The following SGPP1 variants were observed in gnomAD, a reference collection of about 807,000 sequenced individuals.
The protein encoded by SGPP1 is hSPP1.
SGPP1 carries 21 observed loss-of-function variants against 33.0 expected under a neutral mutation model. That is an observed-to-expected ratio of 0.64 (90% confidence interval 0.45 to 0.92). SGPP1 has a LOEUF of 0.92. Among genes scored for constraint, SGPP1 ranks in the 40% least tolerant of loss-of-function variants. SGPP1 has a pLI of 0.00. For synonymous variants in SGPP1, 239 were observed against 241.2 expected, an observed-to-expected ratio of 0.99 and a Z score of 0.08; for missense variants, 543 against 589.4, an observed-to-expected ratio of 0.92 and a Z score of 0.81.
At chr14:63,708,089 C>T (rs982333388) in intron 1 of SGPP1, among the ~76,000 whole-genome samples, 2 of 152,062 alleles carry the variant, frequency 1.3e-5, no homozygotes, top group African/African-American at 4.8e-5. Context: ...ACTAGGGGGA[C>T]TATCTCTTCC....
At chr14:63,708,890 C>A (rs990861445) in intron 1 of SGPP1, among the ~76,000 whole-genome samples, 1 of 152,216 alleles carries the variant, frequency 6.6e-6, no homozygotes, top group Non-Finnish European at 1.5e-5. Flanking sequence ...CACAGGAAGT[C>A]TGATTCCTGA....
intron 1 of SGPP1, among the ~76,000 whole-genome samples, chr14:63,699,304 C>G (rs979131716): frequency 6.6e-6 from 1 of 151,998 alleles, no homozygotes; most frequent in Non-Finnish European, 1.5e-5. Flanking sequence ...ATCAATGGCA[C>G]TAGTGGAAAA....
intron 2 of SGPP1, among the ~76,000 whole-genome samples, chr14:63,691,964 AAAG>A (rs1309361415): frequency 6.6e-6 from 1 of 152,216 alleles, no homozygotes; most frequent in Admixed American, 6.5e-5. Flanking sequence ...AAAGAAAAAA[AAAG>A]AAGAAAGGAA....
At chr14:63,722,327 A>G (rs570372906) in intron 1 of SGPP1, among the ~76,000 whole-genome samples, 1 of 150,312 alleles carries the variant, frequency 6.7e-6, no homozygotes, top group East Asian at 2.0e-4. Context: ...GTTAGAGGCT[A>G]GCCTGACCAA....
intron 2 of SGPP1, among the ~76,000 whole-genome samples, chr14:63,694,168 G>C (rs888924576): frequency 6.6e-6 from 1 of 152,066 alleles, no homozygotes; most frequent in East Asian, 1.9e-4. Flanking sequence ...CAACTACTTG[G>C]GAGGCTGAAG....
At position 63,727,828 on chromosome 14, in the gene SGPP1, C is replaced by G. The variant is rs762638770; in HGVS notation, c.117G>C (p.Arg39=). ...VEAPPRRSAD[R]REDEKAEAPL... ...GCGCCTCCGCTTTCTCATCCTCCCT[C>G]CGGTCTGCTGAGCGGCGCGGCGGCG... is the stretch of plus-strand genomic sequence containing the variant. Residue 39 remains arginine, a synonymous_variant, in exon 1 of 3, where the codon CGG becomes CGC. Transcript: ENST00000247225. 2.6e-6 allele frequency: 4 copies of G among 1,510,072 alleles called. No homozygotes were observed. The African/African-American group carries it at 4.3e-5, about 16-fold the overall frequency. The allele number at this position is 1,510,072 out of a possible 1,614,324, so 93.5% of individuals were successfully genotyped here.
At chr14:63,698,391 T>C (rs1885230027) in intron 2 of SGPP1, among the ~76,000 whole-genome samples, 178 bp downstream of exon 2, 1 of 152,232 alleles carries the variant, frequency 6.6e-6, no homozygotes, top group Non-Finnish European at 1.5e-5. Flanking sequence ...ATGAAATATG[T>C]GACTACTACA....
intron 1 of SGPP1, among the ~76,000 whole-genome samples, chr14:63,721,814 A>G (rs938409620): frequency 6.6e-6 from 1 of 152,220 alleles, no homozygotes; most frequent in Non-Finnish European, 1.5e-5. Flanking sequence ...GTGACAAATC[A>G]GCATTTGATT....
chr14:63,701,776 G>C (rs539543607), intron 1 of SGPP1, among the ~76,000 whole-genome samples: 7 of 151,894 alleles, frequency 4.6e-5, no homozygotes, highest in Non-Finnish European at 1.0e-4. Context: ...AAGAGAGTAA[G>C]GCAAAAACAG....
Position 63,686,521 on chromosome 14 carries a change from T to A in SGPP1, c.910A>T (p.Ile304Phe), listed in dbSNP as rs1884980913. Reference sequence around the variant, plus strand: ...CAGGTGTCAAGAGTGAAAGAAAAGATCCCCAAAGCTAAATGAAGCCCGATG... The same window carrying A: ...CAGGTGTCAAGAGTGAAAGAAAAGAACCCCAAAGCTAAATGAAGCCCGATG... ...IIIGLHLALG[I>F]FSFTLDTWST... Residue 304 changes from isoleucine (I) to phenylalanine (F), a missense_variant, in exon 3 of 3, where the codon ATC (isoleucine) becomes TTC (phenylalanine). Coordinates refer to ENST00000247225, the MANE Select transcript of SGPP1 (RefSeq NM_030791.4). The A allele has an allele frequency of 6.2e-7, 1 of 1,613,892 alleles. No individual in the cohort carries two copies. Among genetic ancestry groups the A allele is most frequent in the Non-Finnish European group, 8.5e-7 (1 of 1,180,004 alleles).
chr14:63,686,650 T>C lies in SGPP1; in HGVS notation c.781A>G (p.Ile261Val). The stretch of plus-strand genomic sequence containing the variant: ...AAAATGGTATATAGGAATCCAGCAA[T>C]AATATCCTAGGAAAAGATAAAAGTA... ...YMGMHSILDI[I>V]AGFLYTILIL... The change falls in exon 3 of 3, where the codon ATT becomes GTT. Residue 261 changes from isoleucine to valine, a missense_variant. Physicochemically the swap from Ile to Val is conservative, Grantham distance 29 (BLOSUM62 3). Transcript: ENST00000247225. 6.3e-7 allele frequency: 1 copy of C among 1,596,532 alleles called. No homozygotes were observed. The highest frequency in any genetic ancestry group is 8.6e-7 in the Non-Finnish European group (1 of 1,167,908).
At chr14:63,705,353 T>C (rs1480053996) in intron 1 of SGPP1, among the ~76,000 whole-genome samples, 2 of 149,732 alleles carry the variant, frequency 1.3e-5, no homozygotes, top group African/African-American at 4.9e-5. Flanking sequence ...AAAGAAGATA[T>C]ACAAATGGCC....
intron 1 of SGPP1, among the ~76,000 whole-genome samples, chr14:63,701,959 A>AAC (rs1250151700): frequency 4.0e-5 from 6 of 151,774 alleles, no homozygotes; most frequent in Admixed American, 1.3e-4. Flanking sequence ...AAAAAAAAAA[A>AAC]AAAAGTCAAC....
chr14:63,698,001 C>A (rs1022101715), intron 2 of SGPP1, among the ~76,000 whole-genome samples: 1 of 152,058 alleles, frequency 6.6e-6, no homozygotes, highest in Non-Finnish European at 1.5e-5. Flanking sequence ...ATAGGGATAG[C>A]GAGGAGGGAA....
chr14:63,688,725 CTTTTTTTT>C (rs1051862998), intron 2 of SGPP1, among the ~76,000 whole-genome samples: 1 of 115,944 alleles, frequency 8.6e-6, no homozygotes, highest in Non-Finnish European at 1.7e-5. Flanking sequence ...TTTTTTTTTT[CTTTTTTTT>C]TTTTTTGAGA....
At chr14:63,704,622 G>C (rs909550146) in intron 1 of SGPP1, among the ~76,000 whole-genome samples, 10 of 152,188 alleles carry the variant, frequency 6.6e-5, no homozygotes, top group Admixed American at 5.2e-4. Context: ...GGCCAAGGCA[G>C]AAGGATCGCT....
At chr14:63,725,671 C>G (rs113336149) in intron 1 of SGPP1, among the ~76,000 whole-genome samples, 5,407 of 152,138 alleles carry the variant, frequency 0.036, 349 homozygotes, top group African/African-American at 0.12. Flanking sequence ...TATCAATATC[C>G]CATAAACGAT....
chr14:63,718,989 T>C (rs1185011641), intron 1 of SGPP1, among the ~76,000 whole-genome samples: 6 of 17,880 alleles, frequency 3.4e-4, no homozygotes, highest in African/African-American at 1.1e-3. Flanking sequence ...TATATATATA[T>C]ATATATATAT....
rs144006374 is a variant in SGPP1, at chr14:63,686,368, G to A, written c.1063C>T (p.Pro355Ser). ...CCAAACAGAGTCACAGTAATGGGGG[G>A]CCCAGCTAAAGGTAATGTATCTAGA... ...PSLDTLPLAG[P>S]PITVTLFGKA... Residue 355 changes from proline to serine, a missense_variant, in exon 3 of 3, where the codon CCC becomes TCC. Pro to Ser is a moderately conservative substitution (Grantham distance 74). Transcript: ENST00000247225. The A allele has an allele frequency of 2.9e-5, 46 of 1,613,992 alleles. No homozygotes were observed. Among genetic ancestry groups the A allele is most frequent in the African/African-American group, 9.3e-5 (7 of 74,894 alleles).
Sources: gnomAD v4.1 joint callset for allele counts (sites outside exome capture counted in the v4.1 genomes callset) on GRCh38, gnomAD v4.1.1 for gene constraint, MANE v1.5 for transcripts, NCBI Gene and HGNC (gene_info 2026-07-23, HGNC 2026-07-21) for gene names.